TEX2: variants seen among roughly 807,000 people sequenced by gnomAD.
TEX2 encodes testis-expressed protein 2.
In TEX2, 53 loss-of-function variants were observed where a neutral mutation model predicts 106.9. The ratio of observed to expected loss-of-function variants is 0.50; its 90% CI spans 0.40 to 0.62. The LOEUF (loss-of-function observed/expected upper bound fraction) is 0.62, where lower values mean the gene tolerates loss of function less well. TEX2 is among the 20% of genes least tolerant of loss of function. The pLI is 0.00. For synonymous variants in TEX2, 523 were observed against 534.8 expected, an observed-to-expected ratio of 0.98 and a Z score of 0.30; for missense variants, 1,207 against 1,379.0, an observed-to-expected ratio of 0.88 and a Z score of 1.98.
intron 1 of TEX2, among the ~76,000 whole-genome samples, chr17:64,249,538 T>C (rs1267034532): frequency 2.0e-5 from 3 of 150,834 alleles, no homozygotes; most frequent in African/African-American, 7.3e-5. Flanking sequence ...ATATTAAATT[T>C]GTTTTCAATT....
intron 1 of TEX2, among the ~76,000 whole-genome samples, chr17:64,222,290 G>A (rs914818432): frequency 1.2e-4 from 19 of 152,070 alleles, no homozygotes; most frequent in African/African-American, 4.3e-4. Flanking sequence ...GGAGGCTGAG[G>A]TGGGTGGATC....
At chr17:64,170,810 T>C (rs1336014615) in intron 7 of TEX2, among the ~76,000 whole-genome samples, 1 of 151,886 alleles carries the variant, frequency 6.6e-6, no homozygotes, top group Non-Finnish European at 1.5e-5. Flanking sequence ...TTTTTGTACT[T>C]TTTTAGTAGA....
rs2033104706 is a variant in TEX2, at chr17:64,213,897, C to A, written c.321G>T (p.Leu107Phe). 1 of 1,614,144 alleles carries A rather than the reference C, an allele frequency of 6.2e-7. No individual in the cohort carries two copies. Residue 107 changes from leucine (L) to phenylalanine (F), a missense_variant, in exon 2 of 12, where the codon TTG (leucine) becomes TTT (phenylalanine). Physicochemically the swap from Leu to Phe is conservative, Grantham distance 22 (BLOSUM62 0). Transcript: ENST00000584379. The surrounding 1 kb of genome is among the most constrained non-coding windows in gnomAD (Gnocchi z 4.4). ...GLSVSQAPAI[L>F]PVSKNTVKLL... Reference sequence around the variant, plus strand: ...GCTTTACAGTGTTCTTGGAGACGGGCAAAATGGCAGGGGCCTGGGACACGG... The same window carrying A: ...GCTTTACAGTGTTCTTGGAGACGGGAAAAATGGCAGGGGCCTGGGACACGG...
chr17:64,193,900 A>G lies in TEX2; in HGVS notation c.1846-11T>C. 3 of 1,504,642 alleles carry G rather than the reference A, an allele frequency of 2.0e-6. No homozygotes were observed. The highest frequency in any genetic ancestry group is 2.7e-6 in the Non-Finnish European group (3 of 1,121,724). 93.2% of individuals were successfully genotyped at this position (1,504,642 alleles called of 1,614,324 possible). On this transcript the variant is annotated splice_polypyrimidine_tract_variant and intron_variant, in intron 3 of 11. Transcript: ENST00000584379. ...AGGTACAAGATAAATCTACAGAGAA[A>G]GAAAAATGATGATTTATATATTAAA...
chr17:64,254,617 A>G (rs2034151954), intron 1 of TEX2, among the ~76,000 whole-genome samples: 1 of 152,206 alleles, frequency 6.6e-6, no homozygotes, highest in Non-Finnish European at 1.5e-5. Flanking sequence ...TCCCCTTTAA[A>G]AAATAAAAAT....
At chr17:64,251,994 A>C (rs1262814606) in intron 1 of TEX2, among the ~76,000 whole-genome samples, 1 of 152,178 alleles carries the variant, frequency 6.6e-6, no homozygotes, top group Non-Finnish European at 1.5e-5. Flanking sequence ...GAAGAGAGGA[A>C]GACTACTGCA....
intron 2 of TEX2, among the ~76,000 whole-genome samples, chr17:64,200,999 C>T (rs2032641830): frequency 6.6e-6 from 1 of 152,158 alleles, no homozygotes; most frequent in Non-Finnish European, 1.5e-5. Context: ...AACAAATAAA[C>T]ACAGCACACA....
intron 5 of TEX2, among the ~76,000 whole-genome samples, chr17:64,186,873 C>A (rs2032096050): frequency 6.6e-6 from 1 of 152,110 alleles, no homozygotes; most frequent in Non-Finnish European, 1.5e-5. Flanking sequence ...GGTTAAGTGT[C>A]CCCCAGGCAG....
chr17:64,258,763 CTT>C (rs35559246), intron 1 of TEX2, among the ~76,000 whole-genome samples: 281 of 146,514 alleles, frequency 1.9e-3, no homozygotes, highest in Non-Finnish European at 2.1e-3. Context: ...GGAAGAGAGA[CTT>C]TTTTTTTTTT....
At chr17:64,235,307 C>T (rs1419258236) in intron 1 of TEX2, among the ~76,000 whole-genome samples, 2 of 152,254 alleles carry the variant, frequency 1.3e-5, no homozygotes, top group African/African-American at 4.8e-5. Context: ...CTCTTAACCA[C>T]TGTGTGGCAC....
At chr17:64,220,521 C>A (rs1190209065) in intron 1 of TEX2, among the ~76,000 whole-genome samples, 1 of 151,950 alleles carries the variant, frequency 6.6e-6, no homozygotes, top group African/African-American at 2.4e-5. Flanking sequence ...AAAAAAACAA[C>A]CCCATTAAAA....
intron 1 of TEX2, among the ~76,000 whole-genome samples, chr17:64,240,437 G>A (rs1598218752): frequency 6.6e-6 from 1 of 152,126 alleles, no homozygotes; most frequent in African/African-American, 2.4e-5. Context: ...GTGGAGTTAC[G>A]AAGAGGAGGG....
intron 4 of TEX2, among the ~76,000 whole-genome samples, chr17:64,193,122 G>T (rs906827429): frequency 6.6e-6 from 1 of 152,188 alleles, no homozygotes. Context: ...GAATGACCAC[G>T]ATCTGACCTG....
intron 1 of TEX2, among the ~76,000 whole-genome samples, chr17:64,240,885 G>A (rs7220162): frequency 0.14 from 20,549 of 152,154 alleles, 1,825 homozygotes; most frequent in African/African-American, 0.25. Flanking sequence ...TGGAGTAATA[G>A]GAATAACTTC....
chr17:64,219,816 C>T (rs1360826183), intron 1 of TEX2, among the ~76,000 whole-genome samples: 2 of 152,142 alleles, frequency 1.3e-5, no homozygotes, highest in African/African-American at 4.8e-5. Context: ...AGATAAGGGA[C>T]GTGGTACACA....
At chr17:64,197,371 T>C (rs1555629500) in intron 2 of TEX2, among the ~76,000 whole-genome samples, 1 of 152,156 alleles carries the variant, frequency 6.6e-6, no homozygotes, top group Non-Finnish European at 1.5e-5. Flanking sequence ...AAAGAGTTTA[T>C]CTATTTTATC....
chr17:64,234,434 A>G (rs972185013), intron 1 of TEX2, among the ~76,000 whole-genome samples: 1 of 152,178 alleles, frequency 6.6e-6, no homozygotes, highest in African/African-American at 2.4e-5. Context: ...CTCAGAGAGC[A>G]CTGTCTGCCA....
At position 64,175,164 on chromosome 17, in the gene TEX2, C is replaced by T. The variant is rs181917994; in HGVS notation, c.2571+2161G>A. 5.3e-5 allele frequency among the ~76,000 whole-genome samples: 8 copies of T among 152,312 alleles called. No homozygotes were observed. The East Asian group carries it at 1.5e-3, about 29-fold the overall frequency. On this transcript the variant is annotated intron_variant, in intron 6 of 11. Transcript: ENST00000584379. ...ATATTTGGTGGCAATCAGTTCTTTT[C>T]GTAGGGGCGGTGACAGCTTCAGAAT...
chr17:64,231,815 T>C (rs1386032368), intron 1 of TEX2, among the ~76,000 whole-genome samples: 1 of 152,212 alleles, frequency 6.6e-6, no homozygotes, highest in Non-Finnish European at 1.5e-5. Flanking sequence ...TCCTTACATA[T>C]AATGCAGATA....
Sources: gnomAD v4.1 joint callset for allele counts (sites outside exome capture counted in the v4.1 genomes callset) on GRCh38, gnomAD v4.1.1 for gene constraint, Gnocchi (gnomAD v3.1) non-coding constraint, MANE v1.5 for transcripts, NCBI Gene and HGNC (gene_info 2026-07-23, HGNC 2026-07-21) for gene names.